The following DIAPH2 variants were observed in gnomAD, a reference collection of about 807,000 sequenced individuals.
DIAPH2 encodes diaphanous related formin 2.
In DIAPH2, 35 loss-of-function variants were observed where a neutral mutation model predicts 92.7. The ratio of observed to expected loss-of-function variants is 0.38; its 90% CI spans 0.29 to 0.50. The LOEUF (loss-of-function observed/expected upper bound fraction) is 0.50, where lower values mean the gene tolerates loss of function less well. DIAPH2 is among the 20% of genes least tolerant of loss of function. DIAPH2 has a pLI of 0.94. For missense variants in DIAPH2, 701 were observed against 819.5 expected, an observed-to-expected ratio of 0.86 and a Z score of 1.77; for synonymous variants, 301 against 280.4, an observed-to-expected ratio of 1.07 and a Z score of -0.73.
At chrX:97,497,764 C>T (rs1433778795) in intron 26 of DIAPH2, among the ~76,000 whole-genome samples, 1 of 110,674 alleles carries the variant, frequency 9.0e-6, no homozygotes, top group Non-Finnish European at 1.9e-5. Flanking sequence ...CAATATCATG[C>T]CACTGGTATA....
intron 7 of DIAPH2, among the ~76,000 whole-genome samples, chrX:96,915,233 C>G (rs1003409548): frequency 3.6e-5 from 4 of 110,840 alleles, no homozygotes; most frequent in Non-Finnish European, 7.6e-5. Flanking sequence ...TGATTTCACT[C>G]TCAGTCTCAA....
intron 26 of DIAPH2, among the ~76,000 whole-genome samples, chrX:97,436,060 C>T (rs1229819145): frequency 9.0e-6 from 1 of 111,369 alleles, no homozygotes; most frequent in Non-Finnish European, 1.9e-5. Context: ...CCTCCTTGGC[C>T]TCCAAAAGTG....
At chrX:96,901,532 G>GTTTTTTTTTTTTTTTTTTTTTTCT in intron 5 of DIAPH2, among the ~76,000 whole-genome samples, 1 of 33,083 alleles carries the variant, frequency 3.0e-5, no homozygotes, top group Non-Finnish European at 6.1e-5. Flanking sequence ...TTTTCTTTCT[G>GTTTTTTTTTTTTTTTTTTTTTTCT]TTTTTTTTTT....
At chrX:97,369,011 G>A (rs907047573) in intron 24 of DIAPH2, among the ~76,000 whole-genome samples, 3 of 97,712 alleles carry the variant, frequency 3.1e-5, no homozygotes, top group Non-Finnish European at 6.0e-5. Context: ...AGGTTCAAGC[G>A]ATACTCCTGC....
At chrX:97,425,556 C>G (rs1240391253) in intron 25 of DIAPH2, among the ~76,000 whole-genome samples, 1 of 110,113 alleles carries the variant, frequency 9.1e-6, no homozygotes, top group African/African-American at 3.3e-5. Context: ...TGGCTGATCA[C>G]TTGAGGTCAG....
intron 19 of DIAPH2, among the ~76,000 whole-genome samples, chrX:97,076,902 G>A (rs986735433): frequency 7.2e-5 from 8 of 110,579 alleles, no homozygotes; most frequent in African/African-American, 2.6e-4. Flanking sequence ...CACCAATTTT[G>A]TGCCTTCTGT....
At chrX:97,356,375 C>A (rs993701810) in intron 24 of DIAPH2, among the ~76,000 whole-genome samples, 14 of 111,760 alleles carry the variant, frequency 1.3e-4, no homozygotes, top group African/African-American at 4.2e-4. Context: ...CACCAACTCT[C>A]TCTAGTTAAT....
chrX:97,307,880 C>G (rs189679147), intron 23 of DIAPH2, among the ~76,000 whole-genome samples: 1,320 of 100,785 alleles, frequency 0.013, 22 homozygotes, highest in African/African-American at 0.047. Context: ...TGCACTCCAG[C>G]CTGGGCAACA....
intron 23 of DIAPH2, among the ~76,000 whole-genome samples, chrX:97,299,189 A>C (rs1442496499): frequency 8.9e-6 from 1 of 112,111 alleles, no homozygotes; most frequent in Non-Finnish European, 1.9e-5. Flanking sequence ...AAAGACATAA[A>C]GAGTACAGCA....
At chrX:96,997,735 A>G in intron 17 of DIAPH2, among the ~76,000 whole-genome samples, 1 of 111,475 alleles carries the variant, frequency 9.0e-6, no homozygotes, top group African/African-American at 3.3e-5. Context: ...GCAGGACTGT[A>G]TTCATACCTC....
At chrX:96,884,277 G>A in intron 5 of DIAPH2, 2 of 1,179,742 alleles carry the variant, frequency 1.7e-6, no homozygotes, top group Non-Finnish European at 2.3e-6. Context: ...ACGAGCCAAA[G>A]CCCACCTTCT....
chrX:97,179,292 A>G lies in DIAPH2; in HGVS notation c.2719+37498A>G, dbSNP rs765054922. On this transcript the variant is annotated intron_variant, in intron 22 of 26. Coordinates refer to ENST00000324765, the MANE Select transcript of DIAPH2 (RefSeq NM_006729.5). ...TCCGGGATATATGTGCAGAACATGC[A>G]GGTTTGTTACATAGGTATACATGTG... Among the ~76,000 whole-genome samples, 3 of 102,913 alleles carry G rather than the reference A, an allele frequency of 2.9e-5. No homozygotes were observed. The Admixed American group carries it at 3.2e-4, about 11-fold the overall frequency. 89.4% of individuals were successfully genotyped at this position (102,913 alleles called of 115,157 possible). A position where few individuals can be genotyped will look rare whatever the true frequency, so the allele number is the denominator to read the frequency against.
intron 26 of DIAPH2, among the ~76,000 whole-genome samples, chrX:97,579,627 C>A (rs1268027867): frequency 9.0e-6 from 1 of 110,865 alleles, no homozygotes; most frequent in Non-Finnish European, 1.9e-5. Flanking sequence ...GTTCTTTTGG[C>A]TTAGGATTGT....
chrX:97,296,185 T>G (rs2068641835), intron 23 of DIAPH2, among the ~76,000 whole-genome samples: 1 of 111,515 alleles, frequency 9.0e-6, no homozygotes, highest in Admixed American at 9.6e-5. Context: ...TCATATACTT[T>G]CCTGAGATAA....
At chrX:96,962,484 CACACACACACACATATATATATAT>C (rs2065868312) in intron 16 of DIAPH2, among the ~76,000 whole-genome samples, 1 of 16,815 alleles carries the variant, frequency 5.9e-5, no homozygotes, top group African/African-American at 1.6e-4. Flanking sequence ...TATATACACA[CACACACACACACATATATATATAT>C]ATATATATAT....
chrX:97,065,030 G>C (rs1409411453), intron 17 of DIAPH2, among the ~76,000 whole-genome samples: 1 of 111,381 alleles, frequency 9.0e-6, no homozygotes, highest in Non-Finnish European at 1.9e-5. Flanking sequence ...TGAATGCCCA[G>C]ACTGTATTCT....
intron 19 of DIAPH2, among the ~76,000 whole-genome samples, chrX:97,095,092 C>CTTTT (rs2066855949): frequency 2.1e-4 from 3 of 14,581 alleles, no homozygotes; most frequent in Non-Finnish European, 4.3e-4. Flanking sequence ...GGAAATGTTT[C>CTTTT]TTTTTCTTTT....
chrX:97,522,152 C>T (rs1308182237), intron 26 of DIAPH2, among the ~76,000 whole-genome samples: 1 of 112,000 alleles, frequency 8.9e-6, no homozygotes, highest in Non-Finnish European at 1.9e-5. Context: ...ACAGAACTTA[C>T]GTCCTCTAGT....
chrX:96,851,009 G>T (rs2065003012), intron 4 of DIAPH2, among the ~76,000 whole-genome samples: 1 of 111,701 alleles, frequency 9.0e-6, no homozygotes, highest in Admixed American at 9.5e-5. Context: ...AATGATAATT[G>T]TTATCATAGT....
Sources: allele counts gnomAD v4.1 joint callset (sites outside exome capture counted in the v4.1 genomes callset), GRCh38; gene constraint gnomAD v4.1.1; transcripts MANE v1.5; gene names NCBI Gene and HGNC (gene_info 2026-07-23, HGNC 2026-07-21).